The following CD163 variants were observed in gnomAD, a reference collection of about 807,000 sequenced individuals.
CD163 encodes CD163 molecule, also known as scavenger receptor cysteine-rich type 1 protein M130.
A neutral mutation model predicts 129.2 loss-of-function variants in CD163; 64 were observed. The ratio of observed to expected loss-of-function variants is 0.50; its 90% CI spans 0.41 to 0.61. CD163 has a LOEUF of 0.61. Among genes scored for constraint, CD163 ranks in the 20% least tolerant of loss-of-function variants. The pLI, the probability that CD163 is intolerant of heterozygous loss-of-function variation, is 0.00. For synonymous variants in CD163, 446 were observed against 478.5 expected, an observed-to-expected ratio of 0.93 and a Z score of 0.89; for missense variants, 1,061 against 1,377.9, an observed-to-expected ratio of 0.77 and a Z score of 3.64.
intron 6 of CD163, among the ~76,000 whole-genome samples, chr12:7,489,529 C>T (rs917264327): frequency 6.6e-6 from 1 of 151,896 alleles, no homozygotes; most frequent in Non-Finnish European, 1.5e-5. Context: ...ATGTAATGAC[C>T]TATAATGTAA....
intron 6 of CD163, 148 bp from the exon 7 acceptor site, chr12:7,488,235 C>T (rs753130684): frequency 4.7e-5 from 39 of 823,494 alleles, no homozygotes; most frequent in Non-Finnish European, 6.7e-5. Flanking sequence ...TTTTCTGCCT[C>T]GAGTTGGGTA....
At chr12:7,472,763 C>T (rs1949023699) in intron 16 of CD163, among the ~76,000 whole-genome samples, 1 of 152,086 alleles carries the variant, frequency 6.6e-6, no homozygotes, top group Non-Finnish European at 1.5e-5. Flanking sequence ...AAGGTGGATA[C>T]TAACAAACTT....
rs755731781 is a variant in CD163 at position 7,487,894 on chromosome 12, T to C, written c.1614A>G (p.Gly538=). 3 of 1,614,092 alleles carry C rather than the reference T, an allele frequency of 1.9e-6. No individual in the cohort carries two copies. The highest frequency in any genetic ancestry group is 8.5e-7 in the Non-Finnish European group (1 of 1,179,994). The change falls in exon 7 of 17, where the codon GGA becomes GGG. Residue 538 remains glycine (G), a synonymous_variant. Coordinates refer to ENST00000432237, the MANE Select transcript of CD163 (RefSeq NM_203416.4). This position sits in a 1 kb window ranked among gnomAD's most constrained non-coding sequence, Gnocchi z 5.1. ...ACTGGAATTCTTCAGCCCAGATCTG[T>C]CCATTTCCCTCTCCAAAGTGAGCTC... ...LGGAHFGEGN[G]QIWAEEFQCE...
At chr12:7,497,565 G>A (rs1385604558) in intron 4 of CD163, among the ~76,000 whole-genome samples, 1 of 152,124 alleles carries the variant, frequency 6.6e-6, no homozygotes, top group Non-Finnish European at 1.5e-5. Context: ...AGCCTGTGTT[G>A]TACACCTGAA....
chr12:7,484,341 G>A (rs1455761015), intron 11 of CD163, among the ~76,000 whole-genome samples: 1 of 152,042 alleles, frequency 6.6e-6, no homozygotes, highest in African/African-American at 2.4e-5. Context: ...AAATCTCACA[G>A]TTTAAGAAGA....
At chr12:7,483,841 A>ATATTTTTTTT (rs1442991429) in intron 11 of CD163, 166 bp from the exon 12 acceptor site, 2 of 110,030 alleles carry the variant, frequency 1.8e-5, no homozygotes, top group African/African-American at 7.6e-5. Flanking sequence ...ATATATATAT[A>ATATTTTTTTT]TTTTTTTTTT....
At position 7,503,728 on chromosome 12, in the gene CD163, T is replaced by C. The variant is rs748980060; in HGVS notation, c.-38A>G. On this transcript the variant is annotated 5_prime_UTR_variant, in exon 1 of 17. Coordinates refer to ENST00000432237, the MANE Select transcript of CD163 (RefSeq NM_203416.4). ...TAACTTCAATGATTCCTAAATCTTC[T>C]TGTATTATTCCCTAGAAATGTTCTT... 1.7e-4 allele frequency: 219 copies of C among 1,280,416 alleles called. No individual in the cohort carries two copies. Among genetic ancestry groups the C allele is most frequent in the Non-Finnish European group, 2.4e-4 (215 of 890,196 alleles). The allele number at this position is 1,280,416 out of a possible 1,614,324, so 79.3% of individuals were successfully genotyped here.
In CD163 at chr12:7,487,913, T is replaced by C. The variant is rs780272005; in HGVS notation, c.1595A>G (p.His532Arg). 13 of 1,614,052 alleles carry C rather than the reference T, an allele frequency of 8.1e-6. No individual in the cohort carries two copies. In the South Asian group the frequency reaches 1.4e-4, roughly 18 times the overall value. Residue 532 changes from histidine (H) to arginine (R), a missense_variant, in exon 7 of 17, where the codon CAC becomes CGC. Transcript: ENST00000432237. The surrounding 1 kb of genome is among the most constrained non-coding windows in gnomAD (Gnocchi z 5.1). ...GATCTGTCCATTTCCCTCTCCAAAG[T>C]GAGCTCCCCCCAGGATAGAGACAAC... The part of the protein sequence containing the change: ...GTVVSILGGA[H>R]FGEGNGQIWA...
chr12:7,475,955 A>G (rs868134235), intron 16 of CD163, among the ~76,000 whole-genome samples: 2 of 152,232 alleles, frequency 1.3e-5, no homozygotes, highest in Non-Finnish European at 1.5e-5. Context: ...AGACAAGCAG[A>G]GAGCCAAATC....
chr12:7,499,284 T>C, intron 3 of CD163, 96 bp from the exon 4 acceptor site: 1 of 1,080,522 alleles, frequency 9.3e-7, no homozygotes, highest in Non-Finnish European at 1.3e-6. Context: ...TTTTATGTTG[T>C]CCTTAAAATG....
rs1478666894 is a variant in CD163, at chr12:7,471,315, G to A, written c.*114C>T. 1 of 152,250 alleles carries A rather than the reference G, an allele frequency of 6.6e-6. No individual in the cohort carries two copies. The highest frequency in any genetic ancestry group is 2.4e-5 in the African/African-American group (1 of 41,428). The allele number at this position is 152,250 out of a possible 1,614,324, so 9.4% of individuals were successfully genotyped here. On this transcript the variant is annotated 3_prime_UTR_variant, in exon 17 of 17. Coordinates refer to ENST00000432237, the MANE Select transcript of CD163 (RefSeq NM_203416.4). Reference sequence around the variant, plus strand: ...AGGAGAAGAAGAACTCCATAAAAATGCAACTGTAATAGTCAGTGAGAGAGG... The same window carrying A: ...AGGAGAAGAAGAACTCCATAAAAATACAACTGTAATAGTCAGTGAGAGAGG...
chr12:7,499,286 C>A, intron 3 of CD163, 98 bp from the exon 4 acceptor site: 1 of 1,057,540 alleles, frequency 9.5e-7, no homozygotes. Context: ...TTATGTTGTC[C>A]TTAAAATGGT....
Position 7,486,576 on chromosome 12 carries a change from C to A in CD163, c.2381G>T (p.Arg794Leu). The change falls in exon 10 of 17, where the codon CGC (arginine) becomes CTC (leucine). Residue 794 changes from arginine to leucine, a missense_variant. Coordinates refer to ENST00000432237, the MANE Select transcript of CD163 (RefSeq NM_203416.4). The part of the protein sequence containing the change: ...DEMKCNGKES[R>L]IWQCHSHGWG... Reference sequence around the variant, plus strand: ...GCCGTGTGAATGGCACTGCCAAATGCGGGATTCTTTTCCATTGCATTTCAT... The same window carrying A: ...GCCGTGTGAATGGCACTGCCAAATGAGGGATTCTTTTCCATTGCATTTCAT... 1 of 1,614,218 alleles carries A rather than the reference C, an allele frequency of 6.2e-7. No homozygotes were observed. Among genetic ancestry groups the A allele is most frequent in the Non-Finnish European group, 8.5e-7 (1 of 1,180,036 alleles).
intron 15 of CD163, chr12:7,480,368 A>G (rs1033295171): frequency 1.8e-5 from 3 of 169,274 alleles, no homozygotes; most frequent in African/African-American, 7.2e-5. Context: ...ATAGAAGTTC[A>G]AGGATAAAAC....
chr12:7,478,980 ATTTT>A, intron 16 of CD163, among the ~76,000 whole-genome samples: 2 of 151,378 alleles, frequency 1.3e-5, no homozygotes, highest in Middle Eastern at 6.9e-3. Flanking sequence ...TCACATTTGA[ATTTT>A]TTTTTATGTT....
At position 7,483,613 on chromosome 12, in the gene CD163, C is replaced by T. The variant is rs753885158; in HGVS notation, c.2842G>A (p.Gly948Ser). Residue 948 changes from glycine to serine, a missense_variant, in exon 12 of 17, where the codon GGT becomes AGT. Physicochemically the swap from Gly to Ser is moderately conservative, Grantham distance 56. Coordinates refer to ENST00000432237, the MANE Select transcript of CD163 (RefSeq NM_203416.4). Reference sequence around the variant, plus strand: ...TCATCACACACTGTCCCCCAGGAACCTCCATGCCAGATCTCCACACGTCCA... The same window carrying T: ...TCATCACACACTGTCCCCCAGGAACTTCCATGCCAGATCTCCACACGTCCA... ...CSGRVEIWHG[G>S]SWGTVCDDSW... 1.2e-6 allele frequency: 2 copies of T among 1,613,752 alleles called. No homozygotes were observed. Among genetic ancestry groups the T allele is most frequent in the Non-Finnish European group, 1.7e-6 (2 of 1,179,926 alleles).
intron 12 of CD163, 76 bp from the exon 13 acceptor site, chr12:7,483,080 A>G (rs1949185805): frequency 1.5e-6 from 2 of 1,375,324 alleles, no homozygotes; most frequent in East Asian, 4.6e-5. Flanking sequence ...TCCTTGTCTG[A>G]CCCCTTAGTA....
intron 1 of CD163, chr12:7,502,863 T>C: frequency 3.6e-6 from 2 of 550,064 alleles, no homozygotes; most frequent in South Asian, 2.7e-5. Context: ...ACAACATCAA[T>C]GAAACTTAGT....
In CD163 at chr12:7,485,980, A is replaced by G. The variant is rs1015498346; in HGVS notation, c.2458+519T>C. Among the ~76,000 whole-genome samples the G allele has an allele frequency of 1.3e-5, 2 of 152,246 alleles. No homozygotes were observed. Among genetic ancestry groups the G allele is most frequent in the Non-Finnish European group, 2.9e-5 (2 of 68,048 alleles). ...ATGAAATAGTACATTTTTAAATTTC[A>G]GAATGTTTTCTAAAACTCACCATGT... On this transcript the variant is annotated intron_variant, in intron 10 of 16. Coordinates refer to ENST00000432237, the MANE Select transcript of CD163 (RefSeq NM_203416.4). The surrounding 1 kb of genome is among the most constrained non-coding windows in gnomAD (Gnocchi z 4.5).
Sources: gnomAD v4.1 joint callset for allele counts (sites outside exome capture counted in the v4.1 genomes callset) on GRCh38, gnomAD v4.1.1 for gene constraint, Gnocchi (gnomAD v3.1) non-coding constraint, MANE v1.5 for transcripts, NCBI Gene and HGNC (gene_info 2026-07-23, HGNC 2026-07-21) for gene names.